The following COL14A1 variants were observed in gnomAD, a reference collection of about 807,000 sequenced individuals.
COL14A1 encodes the protein collagen alpha-1(XIV) chain.
A neutral mutation model predicts 230.3 loss-of-function variants in COL14A1; 136 were observed. The ratio of observed to expected loss-of-function variants is 0.59; its 90% CI spans 0.51 to 0.68. The LOEUF is 0.68. Among genes scored for constraint, COL14A1 ranks in the 30% least tolerant of loss-of-function variants. COL14A1 has a pLI of 0.00. For missense variants in COL14A1, 1,976 were observed against 2,215.8 expected (o/e 0.89, Z 2.17); for synonymous variants, 792 against 784.1 (o/e 1.01, Z -0.17).
chr8:120,175,622 A>G (rs1816256498), intron 5 of COL14A1, among the ~76,000 whole-genome samples: 1 of 152,200 alleles, frequency 6.6e-6, no homozygotes, highest in Non-Finnish European at 1.5e-5. Flanking sequence ...TTTTATTGGA[A>G]CACAGCTATG....
intron 5 of COL14A1, among the ~76,000 whole-genome samples, chr8:120,176,351 A>G (rs1816283253): frequency 6.6e-6 from 1 of 152,140 alleles, no homozygotes; most frequent in African/African-American, 2.4e-5. Context: ...CTTCTCTTGG[A>G]GAAGGGCCAG....
At chr8:120,271,851 C>A (rs1819674277) in intron 26 of COL14A1, among the ~76,000 whole-genome samples, 1 of 151,374 alleles carries the variant, frequency 6.6e-6, no homozygotes. Context: ...GAGCCAAGAT[C>A]TGATATGTTT....
chr8:120,373,546 A>G lies in COL14A1; in HGVS notation c.*2315A>G. Among the ~76,000 whole-genome samples, 1 of 152,162 alleles carries G rather than the reference A, an allele frequency of 6.6e-6. No homozygotes were observed. Among genetic ancestry groups the G allele is most frequent in the Middle Eastern group, 3.2e-3 (1 of 316 alleles). On this transcript the variant is annotated 3_prime_UTR_variant, in exon 48 of 48. Coordinates refer to ENST00000297848, the MANE Select transcript of COL14A1 (RefSeq NM_021110.4). ...GTTTGTAAGTTTATACTGTTTTCTAAAAGTAATAAATCATTTCATGAAAAA... is the reference window on the plus strand; with the variant it reads ...GTTTGTAAGTTTATACTGTTTTCTAGAAGTAATAAATCATTTCATGAAAAA...
intron 35 of COL14A1, among the ~76,000 whole-genome samples, chr8:120,299,085 T>C (rs1043426407): frequency 2.6e-5 from 4 of 151,906 alleles, no homozygotes; most frequent in African/African-American, 9.7e-5. Context: ...ATACCTGGCT[T>C]ACATTATGCA....
chr8:120,193,359 T>G (rs1473566564), intron 5 of COL14A1, among the ~76,000 whole-genome samples: 6 of 152,168 alleles, frequency 3.9e-5, no homozygotes, highest in African/African-American at 1.4e-4. Flanking sequence ...TGCAGAACAG[T>G]AGATTTTCGT....
intron 22 of COL14A1, among the ~76,000 whole-genome samples, chr8:120,252,285 G>A (rs757713549): frequency 4.6e-5 from 7 of 152,080 alleles, no homozygotes; most frequent in Non-Finnish European, 7.4e-5. Context: ...TAGTGCACCC[G>A]TCACTGGAGC....
intron 45 of COL14A1, among the ~76,000 whole-genome samples, chr8:120,360,002 C>T (rs1823133622): frequency 6.6e-6 from 1 of 152,212 alleles, no homozygotes; most frequent in Non-Finnish European, 1.5e-5. Flanking sequence ...AAAGGACCCT[C>T]TACCTATACT....
chr8:120,145,976 A>G (rs1207505028), intron 1 of COL14A1, among the ~76,000 whole-genome samples: 2 of 152,202 alleles, frequency 1.3e-5, no homozygotes, highest in Non-Finnish European at 2.9e-5. Context: ...AAGTGGAAAG[A>G]AAGTGATGTG....
At chr8:120,171,310 A>G (rs1044115704) in intron 5 of COL14A1, among the ~76,000 whole-genome samples, 2 of 152,160 alleles carry the variant, frequency 1.3e-5, no homozygotes, top group Admixed American at 6.6e-5. Context: ...TATATTTATT[A>G]TAGATATTCT....
chr8:120,243,095 A>C (rs1818653741), intron 19 of COL14A1, among the ~76,000 whole-genome samples: 1 of 152,212 alleles, frequency 6.6e-6, no homozygotes, highest in African/African-American at 2.4e-5. Flanking sequence ...TGGAGCACAG[A>C]CAGAAAGTTT....
intron 1 of COL14A1, among the ~76,000 whole-genome samples, chr8:120,140,244 T>C (rs920973003): frequency 3.9e-5 from 6 of 152,206 alleles, no homozygotes; most frequent in African/African-American, 1.4e-4. Flanking sequence ...TTCATACTTA[T>C]TTCATTCGGT....
intron 1 of COL14A1, among the ~76,000 whole-genome samples, chr8:120,135,035 G>C (rs1042963673): frequency 6.6e-6 from 1 of 152,036 alleles, no homozygotes; most frequent in African/African-American, 2.4e-5. Context: ...AAATGACCAA[G>C]GATATGCTAG....
chr8:120,187,466 T>C (rs1563659079), intron 5 of COL14A1, among the ~76,000 whole-genome samples: 1 of 152,216 alleles, frequency 6.6e-6, no homozygotes, highest in Non-Finnish European at 1.5e-5. Context: ...CTGCCAGAAG[T>C]TGGGAGCTTT....
In COL14A1 at chr8:120,231,483, C is replaced by G; in HGVS notation, c.2214C>G (p.Ile738Met). 6.2e-7 allele frequency: 1 copy of G among 1,612,408 alleles called. No homozygotes were observed. Among genetic ancestry groups the G allele is most frequent in the East Asian group, 2.2e-5 (1 of 44,874 alleles). Residue 738 changes from isoleucine to methionine, a missense_variant, in exon 19 of 48, where the codon ATC (isoleucine) becomes ATG (methionine). Around this residue, in one of 3 missense-constraint regions of COL14A1, gnomAD observed 1,791 missense variants for 2,019.5 expected, o/e 0.89. Coordinates refer to ENST00000297848, the MANE Select transcript of COL14A1 (RefSeq NM_021110.4). ...TSVTSVFQTG[I>M]RNLVVGDETT... is the part of the protein sequence containing the mutation. ...TTATTCCAGTTTTCCAGACGGGAATCAGAAACCTAGTTGTAGGTGATGAAA... is the reference window on the plus strand; with the variant it reads ...TTATTCCAGTTTTCCAGACGGGAATGAGAAACCTAGTTGTAGGTGATGAAA...
At chr8:120,270,275 T>G in intron 26 of COL14A1, 101 bp downstream of exon 26, 1 of 1,207,438 alleles carries the variant, frequency 8.3e-7, no homozygotes, top group African/African-American at 1.5e-5. Context: ...AGAACTGTAA[T>G]GATTGGGTTC....
At chr8:120,199,678 C>A (rs1817164709) in intron 8 of COL14A1, 112 bp downstream of exon 8, 2 of 1,088,730 alleles carry the variant, frequency 1.8e-6, no homozygotes, top group Non-Finnish European at 2.6e-6. Context: ...TGAGCACTTT[C>A]TAGTCTTGGC....
At chr8:120,230,537 A>C (rs1206794233) in intron 18 of COL14A1, among the ~76,000 whole-genome samples, 8 of 151,302 alleles carry the variant, frequency 5.3e-5, no homozygotes, top group Admixed American at 5.3e-4. Context: ...CATATTTCCT[A>C]TGCTTCCCCC....
At chr8:120,330,505 A>C (rs1054675979) in intron 40 of COL14A1, among the ~76,000 whole-genome samples, 27 of 152,096 alleles carry the variant, frequency 1.8e-4, no homozygotes, top group African/African-American at 6.5e-4. Flanking sequence ...GTGCAGGGGA[A>C]CCCCATTTAT....
At chr8:120,171,910 T>C (rs1255228950) in intron 5 of COL14A1, among the ~76,000 whole-genome samples, 10 of 152,190 alleles carry the variant, frequency 6.6e-5, no homozygotes, top group Non-Finnish European at 1.5e-4. Flanking sequence ...TTTGGGTTCC[T>C]TATATCTGTC....
Sources: gnomAD v4.1 joint callset for allele counts (sites outside exome capture counted in the v4.1 genomes callset) on GRCh38, gnomAD v4.1.1 for gene constraint, gnomAD v4.1.1 regional missense constraint, MANE v1.5 for transcripts, NCBI Gene and HGNC (gene_info 2026-07-23, HGNC 2026-07-21) for gene names.